The following ENO4 variants were observed in gnomAD, a reference collection of about 807,000 sequenced individuals.
ENO4 encodes the protein enolase 4.
ENO4 carries 53 observed loss-of-function variants against 63.2 expected under a neutral mutation model. The observed-to-expected ratio is 0.84, with a 90% CI of 0.67 to 1.05. The LOEUF is 1.05. Ranked by LOEUF, ENO4 falls within the 50% of genes least tolerant of loss-of-function variation. The pLI is 0.00. For synonymous variants in ENO4, 266 were observed against 283.8 expected, an observed-to-expected ratio of 0.94 and a Z score of 0.63; for missense variants, 719 against 772.0, an observed-to-expected ratio of 0.93 and a Z score of 0.81.
chr10:116,899,546 T>TGTGTGTGTGTGTGTGTGTGTGTGA (rs1311755308), intron 10 of ENO4, among the ~76,000 whole-genome samples: 4 of 123,894 alleles, frequency 3.2e-5, no homozygotes, highest in African/African-American at 1.2e-4. Flanking sequence ...TGTGTGTGTG[T>TGTGTGTGTGTGTGTGTGTGTGTGA]GAGAGAGTGC....
At chr10:116,888,013 C>T (rs1847218635) in intron 10 of ENO4, among the ~76,000 whole-genome samples, 1 of 152,212 alleles carries the variant, frequency 6.6e-6, no homozygotes, top group Non-Finnish European at 1.5e-5. Flanking sequence ...ACTGTAAGAT[C>T]TGTCCAAATG....
chr10:116,861,680 CT>C (rs995863791), intron 6 of ENO4, among the ~76,000 whole-genome samples: 1 of 152,104 alleles, frequency 6.6e-6, no homozygotes, highest in African/African-American at 2.4e-5. Context: ...TATACTACTC[CT>C]CAGTAGCCTG....
In ENO4 at chr10:116,874,220, A is replaced by G. The variant is rs1846771529; in HGVS notation, c.1341+19A>G. On this transcript the variant is annotated intron_variant, in intron 10 of 13. Transcript: ENST00000341276. ...GAAGGAGGTAAGCACCCCACCTTCC[A>G]TATTTTATAACATATTTTATATGCC... 2.0e-6 allele frequency: 3 copies of G among 1,515,176 alleles called. No homozygotes were observed. The highest frequency in any genetic ancestry group is 2.7e-6 in the Non-Finnish European group (3 of 1,121,476). The allele number at this position is 1,515,176 out of a possible 1,614,324, so 93.9% of individuals were successfully genotyped here.
At chr10:116,903,513 G>A (rs1847833248) in intron 10 of ENO4, among the ~76,000 whole-genome samples, 1 of 151,790 alleles carries the variant, frequency 6.6e-6, no homozygotes, top group African/African-American at 2.4e-5. Context: ...CGACAAGAGA[G>A]ACTTCATCTC....
At chr10:116,858,459 G>T (rs1327477537) in intron 3 of ENO4, among the ~76,000 whole-genome samples, 1 of 143,540 alleles carries the variant, frequency 7.0e-6, no homozygotes, top group Non-Finnish European at 1.6e-5. Flanking sequence ...TTTTTTATTT[G>T]CCTGGTTTTT....
chr10:116,876,824 G>A (rs1251015209), intron 11 of ENO4, among the ~76,000 whole-genome samples: 4 of 152,022 alleles, frequency 2.6e-5, no homozygotes, highest in African/African-American at 4.8e-5. Context: ...GGTGGCGGGC[G>A]CCTGTAGTCC....
intron 10 of ENO4, among the ~76,000 whole-genome samples, chr10:116,902,948 T>G (rs1166313522): frequency 6.6e-6 from 1 of 152,216 alleles, no homozygotes; most frequent in African/African-American, 2.4e-5. Flanking sequence ...AGCTCTGGAA[T>G]GCTATTCTTC....
chr10:116,881,899 A>G lies in ENO4; in HGVS notation c.*230A>G, dbSNP rs1847027856. 1 of 382,432 alleles carries G rather than the reference A, an allele frequency of 2.6e-6. No homozygotes were observed. Among genetic ancestry groups the G allele is most frequent in the Non-Finnish European group, 4.6e-6 (1 of 217,688 alleles). 23.7% of individuals were successfully genotyped at this position (382,432 alleles called of 1,614,324 possible). On this transcript the variant is annotated 3_prime_UTR_variant, in exon 14 of 14. Transcript: ENST00000341276. The stretch of plus-strand genomic sequence containing the variant: ...ACTTCCATGTGGATTTTGTTTGTCT[A>G]TTAGCTCTCCTGTCCATTTTTCAGG...
At position 116,871,125 on chromosome 10, in the gene ENO4, C is replaced by T; in HGVS notation, c.1048C>T (p.Gln350Ter). ...GGATCATTGTCTCTTGATCTTGCAG[C>T]AGCAGATCACTGGCAAGATGTCTCA... The part of the protein sequence containing the change: ...KGHDGSKRGQ[Q>*]QITGKMSHLG... Residue 350 changes from glutamine to a stop codon, truncating the protein, a stop_gained and splice_region_variant, in exon 9 of 14, where the codon CAG becomes TAG. Coordinates refer to ENST00000341276, the MANE Select transcript of ENO4 (RefSeq NM_001242699.2). LOFTEE classifies it high-confidence loss of function. 6.5e-7 allele frequency: 1 copy of T among 1,549,992 alleles called. No individual in the cohort carries two copies. The highest frequency in any genetic ancestry group is 8.7e-7 in the Non-Finnish European group (1 of 1,146,644).
At chr10:116,863,106 TAAGA>T (rs1846458198) in intron 7 of ENO4, among the ~76,000 whole-genome samples, 1 of 152,210 alleles carries the variant, frequency 6.6e-6, no homozygotes, top group African/African-American at 2.4e-5. Context: ...TAGGATTTAC[TAAGA>T]AAGAAAGGAT....
chr10:116,857,338 T>A (rs1435174319), intron 3 of ENO4, among the ~76,000 whole-genome samples: 2 of 152,160 alleles, frequency 1.3e-5, no homozygotes, highest in Non-Finnish European at 2.9e-5. Flanking sequence ...TATCCTTTTA[T>A]TTAGTCACAA....
At chr10:116,872,420 G>A (rs964856489) in intron 9 of ENO4, among the ~76,000 whole-genome samples, 11 of 151,962 alleles carry the variant, frequency 7.2e-5, no homozygotes, top group African/African-American at 1.9e-4. Context: ...TCATGGTGGC[G>A]GGTCTTTCCC....
At position 116,862,797 on chromosome 10, in the gene ENO4, A is replaced by G. The variant is rs1363328762; in HGVS notation, c.937-2A>G. 6.5e-7 allele frequency: 1 copy of G among 1,549,268 alleles called. No individual in the cohort carries two copies. The highest frequency in any genetic ancestry group is 1.2e-5 in the South Asian group (1 of 84,012). On this transcript the variant is annotated splice_acceptor_variant, in intron 6 of 13. Coordinates refer to ENST00000341276, the MANE Select transcript of ENO4 (RefSeq NM_001242699.2). LOFTEE classifies it high-confidence loss of function. ...GGAAGATCATGGTTGTTCTACTTAC[A>G]GGGTGTCGAGATGCTTATGGAAATG...
chr10:116,849,548 T>C lies in ENO4; in HGVS notation c.-19T>C, dbSNP rs1011392592. The C allele has an allele frequency of 3.1e-5, 47 of 1,515,412 alleles. No homozygotes were observed. In the African/African-American group the frequency reaches 6.1e-4, roughly 20 times the overall value. The allele number at this position is 1,515,412 out of a possible 1,614,324, so 93.9% of individuals were successfully genotyped here. On this transcript the variant is annotated 5_prime_UTR_variant, in exon 1 of 14. Coordinates refer to ENST00000341276, the MANE Select transcript of ENO4 (RefSeq NM_001242699.2). Reference sequence around the variant, plus strand: ...TGGGACCCCAGGCTAAACCCCGCTGTAGCCTTAAATCTCCTACCATGGAGG... The same window carrying C: ...TGGGACCCCAGGCTAAACCCCGCTGCAGCCTTAAATCTCCTACCATGGAGG...
At chr10:116,896,287 C>A (rs369123490) in intron 10 of ENO4, among the ~76,000 whole-genome samples, 1 of 152,166 alleles carries the variant, frequency 6.6e-6, no homozygotes, top group Non-Finnish European at 1.5e-5. Context: ...AAGGCAATTT[C>A]ACCCACACTG....
At chr10:116,896,055 A>T (rs1214022764) in intron 10 of ENO4, among the ~76,000 whole-genome samples, 1 of 152,208 alleles carries the variant, frequency 6.6e-6, no homozygotes, top group Non-Finnish European at 1.5e-5. Context: ...CTATGATTTC[A>T]GCACATTTCC....
intron 10 of ENO4, among the ~76,000 whole-genome samples, chr10:116,894,639 C>A (rs533834692): frequency 6.6e-6 from 1 of 152,136 alleles, no homozygotes; most frequent in African/African-American, 2.4e-5. Flanking sequence ...AGTTCCCTTT[C>A]GAAGGGCTTC....
At chr10:116,872,432 T>G (rs922958707) in intron 9 of ENO4, among the ~76,000 whole-genome samples, 5 of 152,094 alleles carry the variant, frequency 3.3e-5, no homozygotes, top group Non-Finnish European at 4.4e-5. Flanking sequence ...GTCTTTCCCA[T>G]GCTATTCTCA....
In ENO4 at chr10:116,874,472, A is replaced by G. The variant is rs563854039; in HGVS notation, c.1341+271A>G. 5.9e-5 allele frequency among the ~76,000 whole-genome samples: 9 copies of G among 152,290 alleles called. No individual in the cohort carries two copies. The South Asian group carries it at 1.9e-3, about 32-fold the overall frequency. On this transcript the variant is annotated intron_variant, in intron 10 of 13. Coordinates refer to ENST00000341276, the MANE Select transcript of ENO4 (RefSeq NM_001242699.2). ...GGAGTGTGCCTGTCTGGGGAATGAA[A>G]CACGTTATTCGCAAGCCCTTCAGGA...
Sources: allele counts gnomAD v4.1 joint callset (sites outside exome capture counted in the v4.1 genomes callset), GRCh38; gene constraint gnomAD v4.1.1; transcripts MANE v1.5; gene names NCBI Gene and HGNC (gene_info 2026-07-23, HGNC 2026-07-21).